Variants in HSPA4 observed in about 807,000 individuals in gnomAD.
The protein encoded by HSPA4 is heat shock protein family A (Hsp70) member 4, also known as heat shock 70 kDa protein 4.
HSPA4 carries 25 observed loss-of-function variants against 106.2 expected under a neutral mutation model. The ratio of observed to expected loss-of-function variants is 0.24; its 90% CI spans 0.17 to 0.33. The LOEUF (loss-of-function observed/expected upper bound fraction) is 0.33. Ranked by LOEUF, HSPA4 falls within the 10% of genes least tolerant of loss-of-function variation. The pLI, the probability that HSPA4 is intolerant of heterozygous loss-of-function variation, is 1.00. For synonymous variants in HSPA4, 332 were observed against 333.6 expected, an observed-to-expected ratio of 1.00 and a Z score of 0.05; for missense variants, 841 against 996.0, an observed-to-expected ratio of 0.84 and a Z score of 2.10.
In HSPA4 at chr5:133,076,907, A is replaced by G. The variant is rs1484435239; in HGVS notation, c.908+9A>G. 1.9e-6 allele frequency: 3 copies of G among 1,590,124 alleles called. No individual in the cohort carries two copies. The African/African-American group carries it at 4.0e-5, about 21-fold the overall frequency. On this transcript the variant is annotated intron_variant, in intron 7 of 18. Coordinates refer to ENST00000304858, the MANE Select transcript of HSPA4 (RefSeq NM_002154.4). Reference sequence around the variant, plus strand: ...TCTGGAACTATGAATAGGTAAGTATATTACTATTTCGATGTTAAAGTGAAG... The same window carrying G: ...TCTGGAACTATGAATAGGTAAGTATGTTACTATTTCGATGTTAAAGTGAAG...
At chr5:133,068,438 G>C (rs1019322309) in intron 3 of HSPA4, among the ~76,000 whole-genome samples, 1 of 151,666 alleles carries the variant, frequency 6.6e-6, no homozygotes, top group South Asian at 2.1e-4. Flanking sequence ...ATGAGGGGGG[G>C]TGGGGGCGTG....
Position 133,089,075 on chromosome 5 carries a change from T to G in HSPA4, c.1158T>G (p.Ala386=), listed in dbSNP as rs752159129. The G allele has an allele frequency of 6.3e-7, 1 of 1,599,908 alleles. No individual in the cohort carries two copies. Among genetic ancestry groups the G allele is most frequent in the East Asian group, 2.2e-5 (1 of 44,574 alleles). ...TCTAGTGTGCCATCTTATCGCCTGC[T>G]TTCAAAGTCAGAGAATTTTCTATCA... ...CALQCAILSP[A]FKVREFSITD... The change falls in exon 10 of 19, where the codon GCT becomes GCG. Residue 386 remains alanine (A), a synonymous_variant. Coordinates refer to ENST00000304858, the MANE Select transcript of HSPA4 (RefSeq NM_002154.4).
intron 1 of HSPA4, 75 bp downstream of exon 1, chr5:133,052,432 C>A: frequency 9.5e-7 from 1 of 1,047,784 alleles, no homozygotes; most frequent in Non-Finnish European, 1.3e-6. Flanking sequence ...ACCCTCGCTG[C>A]TTGGGGAACG....
chr5:133,057,878 A>G (rs186483027), intron 1 of HSPA4, among the ~76,000 whole-genome samples: 66 of 152,324 alleles, frequency 4.3e-4, no homozygotes, highest in African/African-American at 1.3e-3. Flanking sequence ...TCTAGTTGTA[A>G]TCAATGTGGT....
At position 133,057,367 on chromosome 5, in the gene HSPA4, T is replaced by C. The variant is rs1328755924; in HGVS notation, c.107+5010T>C. Among the ~76,000 whole-genome samples the C allele has an allele frequency of 2.6e-5, 4 of 151,978 alleles. No individual in the cohort carries two copies. The East Asian group carries it at 7.7e-4, about 29-fold the overall frequency. ...GAGAGTAGTTCTGCGTACCTTTTTTTTTTTTTTTTGAGACAATGTCCCACT... is the reference window on the plus strand; with the variant it reads ...GAGAGTAGTTCTGCGTACCTTTTTTCTTTTTTTTTGAGACAATGTCCCACT... On this transcript the variant is annotated intron_variant, in intron 1 of 18. Transcript: ENST00000304858.
chr5:133,057,803 A>G (rs1765186691), intron 1 of HSPA4, among the ~76,000 whole-genome samples: 1 of 152,246 alleles, frequency 6.6e-6, no homozygotes, highest in African/African-American at 2.4e-5. Flanking sequence ...CTTCTTATGG[A>G]TTAAGCAGCA....
intron 15 of HSPA4, among the ~76,000 whole-genome samples, chr5:133,099,193 C>T (rs1265561259): frequency 6.6e-6 from 1 of 151,892 alleles, no homozygotes. Flanking sequence ...GCAGTGGCCC[C>T]ATCTTGGGTC....
intron 12 of HSPA4, 75 bp from the exon 13 acceptor site, chr5:133,092,623 CTA>C (rs1241248821): frequency 3.2e-6 from 3 of 950,440 alleles, no homozygotes; most frequent in Admixed American, 3.9e-5. Context: ...AATTACATAA[CTA>C]TGTGACTTTG....
chr5:133,086,735 A>G (rs1230010516), intron 7 of HSPA4, 47 bp from the exon 8 acceptor site: 2 of 1,307,352 alleles, frequency 1.5e-6, no homozygotes, highest in Admixed American at 3.4e-5. Context: ...TAAAAGTGGC[A>G]TGTGATTTAA....
intron 7 of HSPA4, among the ~76,000 whole-genome samples, chr5:133,085,489 T>TTAAAAAAAAAAAAAA (rs1554089513): frequency 4.5e-5 from 5 of 110,268 alleles, no homozygotes; most frequent in African/African-American, 2.5e-4. Context: ...CCATCTCTAC[T>TTAAAAAAAAAAAAAA]AAAAAAAAAA....
At chr5:133,056,017 GC>G in intron 1 of HSPA4, among the ~76,000 whole-genome samples, 1 of 152,194 alleles carries the variant, frequency 6.6e-6, no homozygotes. Flanking sequence ...GGTGGAGGTT[GC>G]AGTGAACCGA....
At chr5:133,091,078 A>C (rs763232046) in intron 11 of HSPA4, 115 bp from the exon 12 acceptor site, 1 of 905,914 alleles carries the variant, frequency 1.1e-6, no homozygotes, top group Admixed American at 1.7e-5. Context: ...TATTTTAAGC[A>C]TCATGTTACT....
intron 6 of HSPA4, chr5:133,076,176 T>TTGCGGTGAGCTAAGGCTTTAAGG (rs1765444329): frequency 1.3e-5 from 2 of 154,976 alleles, no homozygotes; most frequent in African/African-American, 4.8e-5. Flanking sequence ...TAGAAACACA[T>TTGCGGTGAGCTAAGGCTTTAAGG]TGCGGTGAGC....
At chr5:133,080,444 C>G (rs146771752) in intron 7 of HSPA4, among the ~76,000 whole-genome samples, 1 of 146,508 alleles carries the variant, frequency 6.8e-6, no homozygotes, top group East Asian at 2.0e-4. Context: ...AAAAAAAACC[C>G]AATAATTTTA....
At chr5:133,080,993 C>T (rs978760597) in intron 7 of HSPA4, among the ~76,000 whole-genome samples, 1 of 152,142 alleles carries the variant, frequency 6.6e-6, no homozygotes, top group Non-Finnish European at 1.5e-5. Flanking sequence ...ATTTACTCTC[C>T]ATTTCCCTCC....
chr5:133,085,919 G>T (rs1765573542), intron 7 of HSPA4, among the ~76,000 whole-genome samples: 1 of 152,192 alleles, frequency 6.6e-6, no homozygotes, highest in South Asian at 2.1e-4. Context: ...CTCATTAATT[G>T]TAACAAATGT....
intron 15 of HSPA4, among the ~76,000 whole-genome samples, chr5:133,097,518 T>G (rs1765727427): frequency 6.6e-6 from 1 of 151,874 alleles, no homozygotes; most frequent in Non-Finnish European, 1.5e-5. Flanking sequence ...ATTCGAATAT[T>G]GTTATTTATC....
intron 1 of HSPA4, among the ~76,000 whole-genome samples, chr5:133,057,320 G>C (rs1475603079): frequency 6.6e-6 from 1 of 151,378 alleles, no homozygotes; most frequent in Non-Finnish European, 1.5e-5. Flanking sequence ...GTGAATTAGA[G>C]CAATGGCTGT....
intron 5 of HSPA4, 35 bp from the exon 6 acceptor site, chr5:133,073,958 C>A: frequency 6.9e-7 from 1 of 1,452,606 alleles, no homozygotes; most frequent in Non-Finnish European, 9.3e-7. Context: ...TTTACTTAGA[C>A]GTTATTTTTA....
Sources: gnomAD v4.1 joint callset for allele counts (sites outside exome capture counted in the v4.1 genomes callset) on GRCh38, gnomAD v4.1.1 for gene constraint, MANE v1.5 for transcripts, NCBI Gene and HGNC (gene_info 2026-07-23, HGNC 2026-07-21) for gene names.